Variants in SPATA21 observed in about 807,000 individuals in gnomAD.
SPATA21 encodes spermatogenesis associated 21.
A neutral mutation model predicts 54.8 loss-of-function variants in SPATA21; 47 were observed. That is an observed-to-expected ratio of 0.86 (90% CI 0.68 to 1.09). SPATA21 has a LOEUF of 1.09. Ranked by LOEUF, SPATA21 falls within the 50% of genes least tolerant of loss-of-function variation. The probability of loss-of-function intolerance (pLI) is 0.00; values close to 1 mark genes in which losing one functional copy is unlikely to be tolerated. For synonymous variants in SPATA21, 245 were observed against 235.3 expected (o/e 1.04, Z -0.38); for missense variants, 599 against 596.4 (o/e 1.00, Z -0.05).
chr1:16,422,853 A>G, intron 3 of SPATA21, among the ~76,000 whole-genome samples: 1 of 152,082 alleles, frequency 6.6e-6, no homozygotes. Flanking sequence ...AGAATCCTTC[A>G]TGAGCCTCCT....
rs768512927 is a variant in SPATA21, at chr1:16,437,300, A to C, written c.-359T>G. 6.6e-6 allele frequency: 1 copy of C among 152,242 alleles called. No homozygotes were observed. The allele number at this position is 152,242 out of a possible 1,614,324, so 9.4% of individuals were successfully genotyped here. A position where few individuals can be genotyped will look rare whatever the true frequency, so the allele number is the denominator to read the frequency against. On this transcript the variant is annotated 5_prime_UTR_variant, in exon 1 of 13. Coordinates refer to ENST00000335496, the MANE Select transcript of SPATA21 (RefSeq NM_198546.1). ...GGCAGGTCCAATTATTCTCAGCAGC[A>C]GAGGTTTAGGAATGCATTTCAGGAA...
At chr1:16,422,304 A>G in intron 3 of SPATA21, 1 of 1,032,532 alleles carries the variant, frequency 9.7e-7, no homozygotes, top group Non-Finnish European at 1.3e-6. Context: ...CTAGGGTCCC[A>G]GCACTTCAGG....
chr1:16,431,358 T>C lies in SPATA21; in HGVS notation c.14A>G (p.Asn5Ser). ...TCTACCCTCCGTGTACATCTGGGTG[T>C]TTCTATTGTCCATGATGCCAGCGCC... Reference protein sequence around the residue: MDNRNTQMYTEEEKT... With the variant: MDNRSTQMYTEEEKT... Residue 5 changes from asparagine to serine, a missense_variant, in exon 3 of 13, where the codon AAC (asparagine) becomes AGC (serine). Asn to Ser is a conservative substitution (Grantham distance 46). Transcript: ENST00000335496. 1 of 1,613,900 alleles carries C rather than the reference T, an allele frequency of 6.2e-7. No homozygotes were observed. Among genetic ancestry groups the C allele is most frequent in the Non-Finnish European group, 8.5e-7 (1 of 1,179,968 alleles).
At chr1:16,416,187 C>T (rs2086001004) in intron 5 of SPATA21, among the ~76,000 whole-genome samples, 1 of 152,286 alleles carries the variant, frequency 6.6e-6, no homozygotes, top group East Asian at 1.9e-4. Context: ...TGCCTAGTGC[C>T]CAGCCTCGGG....
rs368358725 is a variant in SPATA21, at chr1:16,421,612, C to A, written c.96-55G>T. 3,398 of 1,538,346 alleles carry A rather than the reference C, an allele frequency of 2.2e-3. 6 individuals carry two copies. Among genetic ancestry groups the A allele is most frequent in the Non-Finnish European group, 2.7e-3 (3,084 of 1,130,104 alleles). On this transcript the variant is annotated intron_variant, in intron 4 of 12. Transcript: ENST00000335496. This position sits in a 1 kb window ranked among gnomAD's most constrained non-coding sequence, Gnocchi z 5.2. ...GAAGCGCTCAGCTGAAGGTTTGCCC[C>A]CCTGCCCTCCCCTCTCAGCCCCCAG...
chr1:16,408,158 G>A (rs1007023242), intron 7 of SPATA21, among the ~76,000 whole-genome samples: 1 of 152,186 alleles, frequency 6.6e-6, no homozygotes, highest in African/African-American at 2.4e-5. Context: ...AGAGGAAGGG[G>A]CCGCTGTGGC....
At chr1:16,418,858 T>C (rs995741467) in intron 5 of SPATA21, among the ~76,000 whole-genome samples, 18 of 152,202 alleles carry the variant, frequency 1.2e-4, no homozygotes, top group Non-Finnish European at 2.1e-4. Context: ...TTATTTCTCA[T>C]CTGACTTCTC....
At chr1:16,402,249 CTTTTTTTTTTTT>C (rs869032281) in intron 10 of SPATA21, among the ~76,000 whole-genome samples, 21 of 55,954 alleles carry the variant, frequency 3.8e-4, no homozygotes, top group South Asian at 2.0e-3. Flanking sequence ...AGCTGCCATT[CTTTTTTTTTTTT>C]TTTTTTTTTT....
At chr1:16,414,893 CAAA>C (rs528947922) in intron 5 of SPATA21, among the ~76,000 whole-genome samples, 4 of 74,348 alleles carry the variant, frequency 5.4e-5, no homozygotes, top group South Asian at 6.1e-4. Context: ...AACCTCATCT[CAAA>C]AAAAAAAAAA....
intron 3 of SPATA21, among the ~76,000 whole-genome samples, chr1:16,424,231 T>A (rs1216371614): frequency 6.5e-3 from 3 of 462 alleles, no homozygotes; most frequent in African/African-American, 0.023. Flanking sequence ...GAGAATGGCA[T>A]GAACCTGGGA....
chr1:16,428,119 C>G lies in SPATA21; in HGVS notation c.34+3219G>C. The G allele has an allele frequency of 7.2e-7, 1 of 1,393,364 alleles. No homozygotes were observed. The highest frequency in any genetic ancestry group is 9.6e-7 in the Non-Finnish European group (1 of 1,047,038). 86.3% of individuals were successfully genotyped at this position (1,393,364 alleles called of 1,614,324 possible). On this transcript the variant is annotated intron_variant, in intron 3 of 12. Coordinates refer to ENST00000335496, the MANE Select transcript of SPATA21 (RefSeq NM_198546.1). This position sits in a 1 kb window ranked among gnomAD's most constrained non-coding sequence, Gnocchi z 4.3. Reference sequence around the variant, plus strand: ...CTGGGTACTCTTCTGGCCTCAAGGACAGGGAGATCCTGTGCCTGATTGGGG... The same window carrying G: ...CTGGGTACTCTTCTGGCCTCAAGGAGAGGGAGATCCTGTGCCTGATTGGGG...
chr1:16,422,087 G>A, intron 3 of SPATA21, 116 bp from the exon 4 acceptor site: 4 of 1,575,072 alleles, frequency 2.5e-6, no homozygotes, highest in African/African-American at 1.3e-5. Flanking sequence ...CTGCCTCCTT[G>A]GGGTGCTTGC....
intron 5 of SPATA21, among the ~76,000 whole-genome samples, chr1:16,416,620 G>C (rs528328825): frequency 1.3e-4 from 19 of 150,806 alleles, no homozygotes; most frequent in African/African-American, 4.6e-4. Context: ...GGAGGTTGCA[G>C]TGAGCTGAGA....
chr1:16,426,147 G>A (rs2086311612), intron 3 of SPATA21, among the ~76,000 whole-genome samples: 1 of 152,110 alleles, frequency 6.6e-6, no homozygotes, highest in African/African-American at 2.4e-5. Context: ...TTGAGCCTAA[G>A]GTCATAAAGC....
At position 16,405,248 on chromosome 1, in the gene SPATA21, T is replaced by C. The variant is rs2085594417; in HGVS notation, c.674-144A>G. ...TGGGTGCGTTGGCTCACACCTGTAA[T>C]CCCAACATTTTGGGAGGCTGAGGCA... is the stretch of plus-strand genomic sequence containing the variant. On this transcript the variant is annotated intron_variant, in intron 7 of 12. Transcript: ENST00000335496. The C allele has an allele frequency of 5.8e-6, 7 of 1,208,600 alleles. No homozygotes were observed. The African/African-American group carries it at 6.3e-5, about 11-fold the overall frequency. 74.9% of individuals were successfully genotyped at this position (1,208,600 alleles called of 1,614,324 possible).
chr1:16,414,623 G>A (rs1445705430), intron 5 of SPATA21, among the ~76,000 whole-genome samples: 2 of 151,908 alleles, frequency 1.3e-5, no homozygotes, highest in African/African-American at 4.8e-5. Context: ...GGACGGGCGC[G>A]GTGGCTCACG....
intron 7 of SPATA21, among the ~76,000 whole-genome samples, chr1:16,408,142 G>A (rs1047936391): frequency 5.3e-5 from 8 of 152,134 alleles, no homozygotes; most frequent in Admixed American, 1.3e-4. Context: ...AGCATCCAGC[G>A]AAGACAGAGG....
chr1:16,403,981 G>A lies in SPATA21; in HGVS notation c.870C>T (p.Phe290=), dbSNP rs754255127. The part of the protein sequence containing the change: ...FLAVMTDTRR[F]FCSVEQNALS... Reference sequence around the variant, plus strand: ...ATCCCTGCTCACCCACAGAGCAGAAGAAGCGCCTGGTGTCTGTCATCACAG... The same window carrying A: ...ATCCCTGCTCACCCACAGAGCAGAAAAAGCGCCTGGTGTCTGTCATCACAG... Residue 290 remains phenylalanine, a synonymous_variant, in exon 9 of 13, where the codon TTC becomes TTT. Coordinates refer to ENST00000335496, the MANE Select transcript of SPATA21 (RefSeq NM_198546.1). 4.4e-6 allele frequency: 7 copies of A among 1,577,230 alleles called. No homozygotes were observed. The South Asian group carries it at 8.0e-5, about 18-fold the overall frequency.
intron 10 of SPATA21, among the ~76,000 whole-genome samples, chr1:16,401,565 G>C (rs2085448681): frequency 6.6e-6 from 1 of 152,120 alleles, no homozygotes; most frequent in Non-Finnish European, 1.5e-5. Context: ...CAAAGTGTTG[G>C]GATTACAGGC....
Sources: gnomAD v4.1 joint callset for allele counts (sites outside exome capture counted in the v4.1 genomes callset) on GRCh38, gnomAD v4.1.1 for gene constraint, Gnocchi (gnomAD v3.1) non-coding constraint, MANE v1.5 for transcripts, NCBI Gene and HGNC (gene_info 2026-07-23, HGNC 2026-07-21) for gene names.